CNOT2: variants seen among roughly 807,000 people sequenced by gnomAD.
The protein encoded by CNOT2 is CCR4-NOT transcription complex subunit 2.
A neutral mutation model predicts 72.1 loss-of-function variants in CNOT2; 7 were observed. The ratio of observed to expected loss-of-function variants is 0.10; its 90% CI spans 0.06 to 0.18. The LOEUF is 0.18. CNOT2 is among the 10% of genes least tolerant of loss of function. The pLI, the probability that CNOT2 is intolerant of heterozygous loss-of-function variation, is 1.00. For missense variants in CNOT2, 345 were observed against 660.3 expected, an observed-to-expected ratio of 0.52 and a Z score of 5.23; for synonymous variants, 196 against 225.6, an observed-to-expected ratio of 0.87 and a Z score of 1.17.
Position 70,342,371 on chromosome 12 carries a change from G to T in CNOT2, c.1290+64G>T. On this transcript the variant is annotated intron_variant, in intron 13 of 15. Coordinates refer to ENST00000229195, the MANE Select transcript of CNOT2 (RefSeq NM_014515.7). ...TTATCTATTTTTCACATGTTTTTCA[G>T]TTCAGGCAGCATACTATTTTTGAAA... is the stretch of plus-strand genomic sequence containing the variant. 2.5e-6 allele frequency: 4 copies of T among 1,573,808 alleles called. No homozygotes were observed. The South Asian group carries it at 4.6e-5, about 18-fold the overall frequency.
chr12:70,338,478 A>C lies in CNOT2; in HGVS notation c.936A>C (p.Thr312=). Residue 312 remains threonine (T), a synonymous_variant, in exon 10 of 16, where the codon ACA becomes ACC. Transcript: ENST00000229195. ...CATCTGGCAAGACAACTTCAAGTAC[A>C]GATGGACCCAAATTCCCTGGAGATA... ...LNTSGKTTSS[T]DGPKFPGDKS... is the part of the protein sequence containing the mutation. The C allele has an allele frequency of 6.2e-7, 1 of 1,612,836 alleles. No homozygotes were observed. Among genetic ancestry groups the C allele is most frequent in the Non-Finnish European group, 8.5e-7 (1 of 1,179,412 alleles).
intron 15 of CNOT2, among the ~76,000 whole-genome samples, chr12:70,351,349 G>A (rs921689620): frequency 1.3e-5 from 2 of 152,102 alleles, no homozygotes; most frequent in African/African-American, 4.8e-5. Context: ...CATGTGTGTA[G>A]TATGTGTGTG....
intron 1 of CNOT2, among the ~76,000 whole-genome samples, chr12:70,255,903 G>A (rs1958416480): frequency 6.6e-6 from 1 of 151,980 alleles, no homozygotes; most frequent in Admixed American, 6.6e-5. Flanking sequence ...TACAGATTCT[G>A]GTCAAGATAT....
At chr12:70,342,011 T>C in intron 11 of CNOT2, 96 bp from the exon 12 acceptor site, 1 of 814,948 alleles carries the variant, frequency 1.2e-6, no homozygotes, top group Non-Finnish European at 2.2e-6. Flanking sequence ...GAAGTAAAGA[T>C]GGTCATTTTA....
intron 3 of CNOT2, among the ~76,000 whole-genome samples, chr12:70,312,075 G>A (rs1565800253): frequency 6.6e-6 from 1 of 151,636 alleles, no homozygotes; most frequent in Non-Finnish European, 1.5e-5. Context: ...ACTATCAATG[G>A]CATTATTGGG....
chr12:70,305,147 G>A (rs561215239), intron 2 of CNOT2, among the ~76,000 whole-genome samples: 10 of 152,312 alleles, frequency 6.6e-5, no homozygotes, highest in African/African-American at 2.2e-4. Flanking sequence ...GCCCTGTTTC[G>A]GCTCACGCAT....
At chr12:70,255,096 G>A (rs1055411594) in intron 1 of CNOT2, among the ~76,000 whole-genome samples, 5 of 152,044 alleles carry the variant, frequency 3.3e-5, no homozygotes, top group African/African-American at 1.2e-4. Flanking sequence ...TATGTTCATC[G>A]GAGCAGGCCA....
At chr12:70,268,469 A>G (rs1959152963) in intron 1 of CNOT2, among the ~76,000 whole-genome samples, 1 of 152,132 alleles carries the variant, frequency 6.6e-6, no homozygotes, top group Non-Finnish European at 1.5e-5. Context: ...TTTCTGAGAC[A>G]GGGTCTTGTT....
At chr12:70,347,892 GTA>G (rs140796447) in intron 15 of CNOT2, 152 of 152,262 alleles carry the variant, frequency 1.0e-3, no homozygotes, top group African/African-American at 3.3e-3. Flanking sequence ...CTGAGCTATT[GTA>G]TATGTTACCT....
intron 7 of CNOT2, chr12:70,334,899 C>A (rs10879130): frequency 0.39 from 59,826 of 152,286 alleles, 12,255 homozygotes; most frequent in East Asian, 0.67. Context: ...AAAATGCGCA[C>A]ATGCGCACGC....
chr12:70,299,040 C>A (rs191741205), intron 2 of CNOT2, among the ~76,000 whole-genome samples: 2 of 151,924 alleles, frequency 1.3e-5, no homozygotes, highest in African/African-American at 2.4e-5. Context: ...AAGACGTACC[C>A]GAGACTGGGT....
chr12:70,249,785 C>G (rs1199384138), intron 1 of CNOT2, among the ~76,000 whole-genome samples: 1 of 151,996 alleles, frequency 6.6e-6, no homozygotes, highest in Admixed American at 6.6e-5. Flanking sequence ...AAAGCAAATA[C>G]TGTGTTATAA....
At chr12:70,328,463 A>T (rs1318710795) in intron 4 of CNOT2, among the ~76,000 whole-genome samples, 1 of 151,944 alleles carries the variant, frequency 6.6e-6, no homozygotes, top group Non-Finnish European at 1.5e-5. Context: ...GTGGGTCAGG[A>T]AGATGGAGGA....
chr12:70,299,903 A>C (rs552774352), intron 2 of CNOT2, among the ~76,000 whole-genome samples: 45 of 152,300 alleles, frequency 3.0e-4, no homozygotes, highest in African/African-American at 1.0e-3. Flanking sequence ...CTGACTTTTT[A>C]ATGATTGCCA....
chr12:70,246,905 C>A (rs1957899957), intron 1 of CNOT2, among the ~76,000 whole-genome samples: 1 of 152,070 alleles, frequency 6.6e-6, no homozygotes, highest in African/African-American at 2.4e-5. Context: ...CTGTTGGTAT[C>A]TGTTGGTATA....
At chr12:70,250,986 A>C (rs981064746) in intron 1 of CNOT2, among the ~76,000 whole-genome samples, 2 of 152,174 alleles carry the variant, frequency 1.3e-5, no homozygotes, top group Admixed American at 1.3e-4. Context: ...ATTGTTTTCT[A>C]CATCAGATGA....
intron 2 of CNOT2, among the ~76,000 whole-genome samples, chr12:70,286,599 G>C (rs1364264500): frequency 6.7e-6 from 1 of 149,800 alleles, no homozygotes; most frequent in African/African-American, 2.4e-5. Context: ...ACCTTGATGT[G>C]TTTGTCTGTG....
chr12:70,303,274 G>T (rs541473007), intron 2 of CNOT2, among the ~76,000 whole-genome samples: 105 of 152,104 alleles, frequency 6.9e-4, no homozygotes, highest in African/African-American at 2.1e-3. Context: ...GTTAGCTGGT[G>T]ATTTTGCTCG....
chr12:70,260,099 A>G (rs557721478), intron 1 of CNOT2, among the ~76,000 whole-genome samples: 2 of 152,152 alleles, frequency 1.3e-5, no homozygotes, highest in East Asian at 3.9e-4. Context: ...GAATCCTCCA[A>G]CTCTGTTCTT....
Sources: allele counts gnomAD v4.1 joint callset (sites outside exome capture counted in the v4.1 genomes callset), GRCh38; gene constraint gnomAD v4.1.1; transcripts MANE v1.5; gene names NCBI Gene and HGNC (gene_info 2026-07-23, HGNC 2026-07-21).